Variants in NDUFS4 observed in about 807,000 individuals in gnomAD.
The protein encoded by NDUFS4 is NADH dehydrogenase [ubiquinone] iron-sulfur protein 4, mitochondrial.
In NDUFS4, 28 loss-of-function variants were observed where a neutral mutation model predicts 24.3. The ratio of observed to expected loss-of-function variants is 1.15; its 90% CI spans 0.85 to 1.58. NDUFS4 has a LOEUF of 1.58. Among genes scored for constraint, NDUFS4 ranks in the 40% most tolerant of loss-of-function variants. The pLI is 0.00. For missense variants in NDUFS4, 223 were observed against 207.9 expected, an observed-to-expected ratio of 1.07 and a Z score of -0.45; for synonymous variants, 93 against 69.7, an observed-to-expected ratio of 1.34 and a Z score of -1.67.
chr5:53,683,113 C>T lies in NDUFS4; in HGVS notation c.425-5C>T, dbSNP rs758481801. ...TGTGGATTTGTCTTTGTTTTTTCCT[C>T]CTAGGATGGAGCTATGACATTGAAG... is the stretch of plus-strand genomic sequence containing the variant. On this transcript the variant is annotated splice_polypyrimidine_tract_variant and splice_region_variant and intron_variant, in intron 4 of 4. Coordinates refer to ENST00000296684, the MANE Select transcript of NDUFS4 (RefSeq NM_002495.4). The T allele has an allele frequency of 3.2e-5, 50 of 1,574,208 alleles. No homozygotes were observed. The highest frequency in any genetic ancestry group is 4.3e-5 in the Non-Finnish European group (49 of 1,144,234).
At chr5:53,563,204 G>A (rs1262899546) in intron 1 of NDUFS4, among the ~76,000 whole-genome samples, 1 of 149,758 alleles carries the variant, frequency 6.7e-6, no homozygotes. Context: ...ACTCCAGCCT[G>A]GGCAACAGAG....
chr5:53,683,245 T>TTGAC lies in NDUFS4; in HGVS notation c.*27_*30dup, dbSNP rs756839486. 8 of 1,486,588 alleles carry TTGAC rather than the reference T, an allele frequency of 5.4e-6. No homozygotes were observed. In the Admixed American group the frequency reaches 1.2e-4, roughly 22 times the overall value. 92.1% of individuals were successfully genotyped at this position (1,486,588 alleles called of 1,614,324 possible). ...AGGTTGGCACTGACTATATCTCTGCTTGACTGTGAATAAAGTCAGCTGTGC... is the reference window on the plus strand; with the variant it reads ...AGGTTGGCACTGACTATATCTCTGCTTGACTGACTGTGAATAAAGTCAGCTGTGC... On this transcript the variant is annotated 3_prime_UTR_variant, in exon 5 of 5. Coordinates refer to ENST00000296684, the MANE Select transcript of NDUFS4 (RefSeq NM_002495.4).
At chr5:53,582,344 TG>T (rs1203440820) in intron 1 of NDUFS4, among the ~76,000 whole-genome samples, 1 of 151,796 alleles carries the variant, frequency 6.6e-6, no homozygotes, top group African/African-American at 2.4e-5. Flanking sequence ...GGGTCAAGAG[TG>T]GCCAGAGCCA....
chr5:53,648,411 T>G (rs1751924102), intron 3 of NDUFS4, among the ~76,000 whole-genome samples: 1 of 152,232 alleles, frequency 6.6e-6, no homozygotes, highest in Non-Finnish European at 1.5e-5. Flanking sequence ...CCAAACTTTT[T>G]CATATGTAAG....
chr5:53,600,796 T>A (rs1750288745), intron 1 of NDUFS4, among the ~76,000 whole-genome samples: 2 of 152,186 alleles, frequency 1.3e-5, no homozygotes, highest in African/African-American at 4.8e-5. Context: ...CGTTTTAATT[T>A]AGGCAAATTT....
At chr5:53,656,829 T>G (rs1264786577) in intron 3 of NDUFS4, among the ~76,000 whole-genome samples, 2 of 151,976 alleles carry the variant, frequency 1.3e-5, no homozygotes, top group Non-Finnish European at 2.9e-5. Context: ...GCAGAAAGAT[T>G]AGTTAGGATG....
At chr5:53,644,113 T>C (rs547432877) in intron 2 of NDUFS4, among the ~76,000 whole-genome samples, 6 of 152,180 alleles carry the variant, frequency 3.9e-5, no homozygotes, top group Non-Finnish European at 8.8e-5. Context: ...TTTTCAAAAC[T>C]TGAAAAAGTT....
chr5:53,565,864 A>C (rs34074582), intron 1 of NDUFS4, among the ~76,000 whole-genome samples: 1,969 of 150,702 alleles, frequency 0.013, 15 homozygotes, highest in Non-Finnish European at 0.021. Flanking sequence ...AAGAGTAACT[A>C]TGCGAAGTTT....
At chr5:53,577,118 G>A (rs1315525370) in intron 1 of NDUFS4, among the ~76,000 whole-genome samples, 3 of 152,106 alleles carry the variant, frequency 2.0e-5, no homozygotes, top group Non-Finnish European at 4.4e-5. Flanking sequence ...CCTGGGGAGT[G>A]AGAGAGGGAA....
At chr5:53,663,924 G>C (rs1752426545) in intron 4 of NDUFS4, among the ~76,000 whole-genome samples, 1 of 152,212 alleles carries the variant, frequency 6.6e-6, no homozygotes, top group Non-Finnish European at 1.5e-5. Context: ...TTTCTTCTTA[G>C]CCTCGATGGT....
At chr5:53,661,455 T>C (rs1011729405) in intron 4 of NDUFS4, among the ~76,000 whole-genome samples, 2 of 152,194 alleles carry the variant, frequency 1.3e-5, no homozygotes, top group African/African-American at 4.8e-5. Flanking sequence ...GCTTTGTTCT[T>C]TTGGCTTAGG....
chr5:53,603,589 T>C, intron 2 of NDUFS4, 59 bp downstream of exon 2: 3 of 1,333,512 alleles, frequency 2.2e-6, no homozygotes, highest in Non-Finnish European at 3.2e-6. Flanking sequence ...TTTTGTACTA[T>C]AGATATTCAG....
At chr5:53,632,296 A>C (rs924445147) in intron 2 of NDUFS4, among the ~76,000 whole-genome samples, 1 of 152,212 alleles carries the variant, frequency 6.6e-6, no homozygotes, top group African/African-American at 2.4e-5. Flanking sequence ...ACTGCTGATC[A>C]GCTTAATCCT....
At chr5:53,593,978 G>C (rs769472366) in intron 1 of NDUFS4, among the ~76,000 whole-genome samples, 4 of 152,062 alleles carry the variant, frequency 2.6e-5, no homozygotes, top group Non-Finnish European at 4.4e-5. Flanking sequence ...CCATCTTGGT[G>C]AATGTTTCAC....
At chr5:53,682,738 T>TAATA (rs1359855876) in intron 4 of NDUFS4, among the ~76,000 whole-genome samples, 1 of 152,060 alleles carries the variant, frequency 6.6e-6, no homozygotes, top group Non-Finnish European at 1.5e-5. Context: ...ACTTTTAGAA[T>TAATA]AATAGTGAGT....
intron 4 of NDUFS4, among the ~76,000 whole-genome samples, chr5:53,662,770 A>G (rs1265727126): frequency 7.3e-6 from 1 of 137,744 alleles, no homozygotes; most frequent in Non-Finnish European, 1.5e-5. Flanking sequence ...TAGATTTTCT[A>G]ATTTATTTGC....
intron 2 of NDUFS4, among the ~76,000 whole-genome samples, chr5:53,645,599 C>G (rs546113423): frequency 6.6e-6 from 1 of 152,274 alleles, no homozygotes; most frequent in East Asian, 1.9e-4. Context: ...AATTATGCCA[C>G]TTTTTGGGAT....
intron 4 of NDUFS4, among the ~76,000 whole-genome samples, chr5:53,659,040 T>G (rs1459926781): frequency 6.6e-6 from 1 of 152,160 alleles, no homozygotes; most frequent in Non-Finnish European, 1.5e-5. Context: ...ATTAATCTAT[T>G]TAATAACTCA....
intron 4 of NDUFS4, among the ~76,000 whole-genome samples, chr5:53,675,205 A>G (rs1579945561): frequency 8.7e-6 from 1 of 115,020 alleles, no homozygotes; most frequent in African/African-American, 3.4e-5. Context: ...TCTGTCACCC[A>G]GGCTGAAGTG....
Sources: allele counts gnomAD v4.1 joint callset (sites outside exome capture counted in the v4.1 genomes callset), GRCh38; gene constraint gnomAD v4.1.1; transcripts MANE v1.5; gene names NCBI Gene and HGNC (gene_info 2026-07-23, HGNC 2026-07-21).